The following NAMPT variants were observed in gnomAD, a reference collection of about 807,000 sequenced individuals.
NAMPT encodes the protein NAmPRTase.
NAMPT carries 7 observed loss-of-function variants against 58.7 expected under a neutral mutation model. The observed-to-expected ratio is 0.12, with a 90% confidence interval of 0.07 to 0.22. The LOEUF is 0.22. NAMPT is among the 10% of genes least tolerant of loss of function. NAMPT has a pLI of 1.00. For synonymous variants in NAMPT, 145 were observed against 198.1 expected, an observed-to-expected ratio of 0.73 and a Z score of 2.25; for missense variants, 271 against 567.9, an observed-to-expected ratio of 0.48 and a Z score of 5.31.
chr7:106,276,885 T>C (rs2115819570), intron 2 of NAMPT, 138 bp downstream of exon 2: 1 of 686,456 alleles, frequency 1.5e-6, no homozygotes, highest in Non-Finnish European at 2.4e-6. Context: ...ACTTTTCTCA[T>C]ACTTAGAACA....
intron 6 of NAMPT, among the ~76,000 whole-genome samples, chr7:106,265,210 A>G (rs1586017920): frequency 6.6e-6 from 1 of 152,130 alleles, no homozygotes; most frequent in African/African-American, 2.4e-5. Context: ...GAATACCAAT[A>G]CTGGAGAACT....
chr7:106,285,570 G>A, upstream of NAMPT: 1 of 985,940 alleles, frequency 1.0e-6, no homozygotes, highest in Admixed American at 6.1e-5. Context: ...TAAGGATCCA[G>A]CCTTTCGCCT....
At position 106,256,617 on chromosome 7, in the gene NAMPT, C is replaced by A. The variant is rs1792203857; in HGVS notation, c.1090-2113G>T. Among the ~76,000 whole-genome samples, 4 of 152,128 alleles carry A rather than the reference C, an allele frequency of 2.6e-5. No homozygotes were observed. The South Asian group carries it at 8.3e-4, about 32-fold the overall frequency. ...AAGTGATTCGCATTCAGTGGAACAT[C>A]AATAAATTACTTGAGATATTCAACA... On this transcript the variant is annotated intron_variant, in intron 8 of 10. Coordinates refer to ENST00000222553, the MANE Select transcript of NAMPT (RefSeq NM_005746.3).
intron 1 of NAMPT, among the ~76,000 whole-genome samples, chr7:106,279,601 T>C (rs920926050): frequency 4.6e-5 from 7 of 152,314 alleles, no homozygotes; most frequent in South Asian, 4.1e-4. Flanking sequence ...CACCAGAAAA[T>C]TGGATGATAT....
chr7:106,275,098 G>T, intron 2 of NAMPT, 49 bp from the exon 3 acceptor site: 1 of 1,190,052 alleles, frequency 8.4e-7, no homozygotes. Context: ...TGCATTCTGT[G>T]AGTTGCTGAA....
intron 1 of NAMPT, among the ~76,000 whole-genome samples, chr7:106,281,357 T>C (rs181088602): frequency 6.6e-6 from 1 of 152,286 alleles, no homozygotes; most frequent in African/African-American, 2.4e-5. Context: ...TTTGAAGATC[T>C]TTCCTCCCAC....
intron 2 of NAMPT, chr7:106,276,731 ACTCG>A: frequency 1.6e-5 from 5 of 305,550 alleles, no homozygotes; most frequent in South Asian, 9.2e-5. Flanking sequence ...AATCCCATCT[ACTCG>A]GGAGGCAGAG....
rs1275861678 is a variant in NAMPT, at chr7:106,249,911, T to G, written c.*1172A>C. 6.6e-6 allele frequency: 1 copy of G among 152,054 alleles called. No homozygotes were observed. Among genetic ancestry groups the G allele is most frequent in the Non-Finnish European group, 1.5e-5 (1 of 67,954 alleles). The allele number at this position is 152,054 out of a possible 1,614,324, so 9.4% of individuals were successfully genotyped here. On this transcript the variant is annotated 3_prime_UTR_variant, in exon 11 of 11. Coordinates refer to ENST00000222553, the MANE Select transcript of NAMPT (RefSeq NM_005746.3). ...CATTTTGATGTCAAGCACTTTGAAT[T>G]TAGCCAACTTAAGATTCTTCTATTG...
At chr7:106,258,377 C>A (rs1430389285) in intron 8 of NAMPT, among the ~76,000 whole-genome samples, 1 of 152,072 alleles carries the variant, frequency 6.6e-6, no homozygotes, top group Non-Finnish European at 1.5e-5. Context: ...CTCTTTCGAA[C>A]AGAAAAAAAC....
chr7:106,280,976 G>A (rs554043593), intron 1 of NAMPT, among the ~76,000 whole-genome samples: 2 of 151,096 alleles, frequency 1.3e-5, no homozygotes, highest in East Asian at 3.9e-4. Context: ...ACAGAAAAAT[G>A]TAGTTCTTTT....
At chr7:106,266,867 T>A (rs571140234) in intron 6 of NAMPT, among the ~76,000 whole-genome samples, 2 of 152,318 alleles carry the variant, frequency 1.3e-5, no homozygotes, top group South Asian at 4.1e-4. Context: ...AAATGCCTGA[T>A]TTAGAATAGC....
rs1422111081 is a variant in NAMPT at position 106,249,023 on chromosome 7, T to A, written c.*2060A>T. The A allele has an allele frequency of 4.6e-5, 7 of 152,098 alleles. No individual in the cohort carries two copies. The highest frequency in any genetic ancestry group is 1.0e-4 in the Non-Finnish European group (7 of 67,970). 9.4% of individuals were successfully genotyped at this position (152,098 alleles called of 1,614,324 possible). On this transcript the variant is annotated 3_prime_UTR_variant, in exon 11 of 11. Coordinates refer to ENST00000222553, the MANE Select transcript of NAMPT (RefSeq NM_005746.3). ...TTCACAGAACACAGAGAATACTGTC[T>A]GTACTATAATTTCAATGTTTAAACA...
chr7:106,276,902 A>G, intron 2 of NAMPT, 121 bp downstream of exon 2: 1 of 811,862 alleles, frequency 1.2e-6, no homozygotes, highest in Non-Finnish European at 2.0e-6. Context: ...AACATCAAAC[A>G]CACACCAAAT....
At chr7:106,256,913 C>G (rs576950315) in intron 8 of NAMPT, among the ~76,000 whole-genome samples, 1 of 152,170 alleles carries the variant, frequency 6.6e-6, no homozygotes, top group Non-Finnish European at 1.5e-5. Context: ...CAATGGCTCA[C>G]GCCTGTAATC....
rs544941964 is a variant in NAMPT at position 106,260,540 on chromosome 7, C to T, written c.1089+1048G>A. 3.9e-5 allele frequency among the ~76,000 whole-genome samples: 6 copies of T among 152,318 alleles called. No homozygotes were observed. In the South Asian group the frequency reaches 1.2e-3, roughly 32 times the overall value. On this transcript the variant is annotated intron_variant, in intron 8 of 10. Transcript: ENST00000222553. The stretch of plus-strand genomic sequence containing the variant: ...CTTATTCATATGCTTAGTGGAGTAG[C>T]ACTTTGATTTTTCTTCAAGAACTTT...
chr7:106,276,511 G>A (rs1792647443), intron 2 of NAMPT: 1 of 153,000 alleles, frequency 6.5e-6, no homozygotes, highest in Non-Finnish European at 1.5e-5. Context: ...AACAAGATTA[G>A]CCTCCAAAAA....
intron 8 of NAMPT, 68 bp downstream of exon 8, chr7:106,261,516 GTTCT>G (rs1792301017): frequency 8.3e-7 from 1 of 1,202,714 alleles, no homozygotes; most frequent in Non-Finnish European, 1.2e-6. Context: ...TTTATATTGT[GTTCT>G]TTATCAAACA....
chr7:106,279,196 A>C (rs945010165), intron 1 of NAMPT, among the ~76,000 whole-genome samples: 1 of 152,246 alleles, frequency 6.6e-6, no homozygotes, highest in African/African-American at 2.4e-5. Flanking sequence ...CCTTCTCTGA[A>C]AACAAATACC....
At chr7:106,280,056 G>T (rs1200691618) in intron 1 of NAMPT, among the ~76,000 whole-genome samples, 1 of 152,156 alleles carries the variant, frequency 6.6e-6, no homozygotes, top group Non-Finnish European at 1.5e-5. Flanking sequence ...TTTATACCAA[G>T]TGCAATGGGA....
Sources: gnomAD v4.1 joint callset for allele counts (sites outside exome capture counted in the v4.1 genomes callset) on GRCh38, gnomAD v4.1.1 for gene constraint, MANE v1.5 for transcripts, NCBI Gene and HGNC (gene_info 2026-07-23, HGNC 2026-07-21) for gene names.